Variants in COL3A1 observed in about 807,000 individuals in gnomAD.
COL3A1 encodes collagen alpha-1(III) chain.
COL3A1 carries 46 observed loss-of-function variants against 200.9 expected under a neutral mutation model. The ratio of observed to expected loss-of-function variants is 0.23; its 90% CI spans 0.18 to 0.29. The LOEUF (loss-of-function observed/expected upper bound fraction) is 0.29. COL3A1 is among the 10% of genes least tolerant of loss of function. The pLI, the probability that COL3A1 is intolerant of heterozygous loss-of-function variation, is 1.00. For missense variants in COL3A1, 1,367 were observed against 1,917.6 expected (o/e 0.71, Z 5.36); for synonymous variants, 650 against 628.0 (o/e 1.03, Z -0.52).
Position 189,004,268 on chromosome 2 carries a change from C to A in COL3A1, c.2835C>A (p.Gly945=), listed in dbSNP as rs1293408059. 1.2e-6 allele frequency: 2 copies of A among 1,604,302 alleles called. No individual in the cohort carries two copies. The highest frequency in any genetic ancestry group is 1.1e-5 in the South Asian group (1 of 88,616). The change falls in exon 40 of 51, where the codon GGC becomes GGA. Residue 945 remains glycine, a synonymous_variant. Transcript: ENST00000304636. ...ATTATCTGTATTAGGGAGCTCCAGG[C>A]CCACTTGGGATTGCTGGGATCACTG... The part of the protein sequence containing the change: ...PGAQGPPGAP[G]PLGIAGITGA...
Position 188,994,508 on chromosome 2 carries a change from C to T in COL3A1, c.1294-33C>T, listed in dbSNP as rs761160201. ...TGATGATTTGTTAGTCGAATCCTCC[C>T]TGTGTTTCAACCAAGACTTTGTTAT... On this transcript the variant is annotated intron_variant, in intron 18 of 50. Transcript: ENST00000304636. The surrounding 1 kb of genome is among the most constrained non-coding windows in gnomAD (Gnocchi z 4.5). The T allele has an allele frequency of 1.9e-6, 3 of 1,611,838 alleles. No individual in the cohort carries two copies. The highest frequency in any genetic ancestry group is 2.2e-5 in the East Asian group (1 of 44,866).
chr2:189,004,329 G>T lies in COL3A1; in HGVS notation c.2896G>T (p.Gly966Cys). The change falls in exon 40 of 51, where the codon GGT becomes TGT. Residue 966 changes from glycine (G) to cysteine (C), a missense_variant. Physicochemically the swap from Gly to Cys is radical, Grantham distance 159 (BLOSUM62 -3). Around this residue, in one of 5 missense-constraint regions of COL3A1, gnomAD observed 846 missense variants for 1,147.9 expected, o/e 0.74. Coordinates refer to ENST00000304636, the MANE Select transcript of COL3A1 (RefSeq NM_000090.4). ...TCTTGCAGGACCACCAGGCATGCCA[G>T]GTCCTAGGGGAAGCCCTGGCCCTCA... ...RGLAGPPGMP[G>C]PRGSPGPQGV... The T allele has an allele frequency of 6.2e-7, 1 of 1,606,248 alleles. No individual in the cohort carries two copies. The highest frequency in any genetic ancestry group is 1.1e-5 in the South Asian group (1 of 88,770).
Position 188,994,434 on chromosome 2 carries a change from T to A in COL3A1, c.1293+102T>A. ...TTGCTCCTGTTCAGTTGAATTTATA[T>A]TGACTTCACTCTTGTCTTATAACTT... is the stretch of plus-strand genomic sequence containing the variant. On this transcript the variant is annotated intron_variant, in intron 18 of 50. Coordinates refer to ENST00000304636, the MANE Select transcript of COL3A1 (RefSeq NM_000090.4). This position sits in a 1 kb window ranked among gnomAD's most constrained non-coding sequence, Gnocchi z 4.5. 1 of 1,565,972 alleles carries A rather than the reference T, an allele frequency of 6.4e-7. No homozygotes were observed. The highest frequency in any genetic ancestry group is 1.1e-5 in the South Asian group (1 of 89,636).
rs1045459966 is a variant in COL3A1, at chr2:189,010,637, C to A, written c.4012-11C>A. On this transcript the variant is annotated splice_polypyrimidine_tract_variant and intron_variant, in intron 49 of 50. Coordinates refer to ENST00000304636, the MANE Select transcript of COL3A1 (RefSeq NM_000090.4). ...AAATGTTTGATCTGTTTTATTTGTTCCCTATTACAGTTTAGCTACGGCAAT... is the reference window on the plus strand; with the variant it reads ...AAATGTTTGATCTGTTTTATTTGTTACCTATTACAGTTTAGCTACGGCAAT... 5.6e-6 allele frequency: 9 copies of A among 1,613,928 alleles called. No individual in the cohort carries two copies. Among genetic ancestry groups the A allele is most frequent in the Non-Finnish European group, 5.1e-6 (6 of 1,179,976 alleles).
intron 1 of COL3A1, among the ~76,000 whole-genome samples, chr2:188,983,818 G>A (rs1230423470): frequency 1.3e-5 from 2 of 151,814 alleles, no homozygotes; most frequent in Admixed American, 1.3e-4. Context: ...CTCAATTACT[G>A]GCAAACTATC....
At chr2:189,011,606 T>C (rs1559064132) in intron 50 of COL3A1, 22 bp from the exon 51 acceptor site, 2 of 1,613,570 alleles carry the variant, frequency 1.2e-6, no homozygotes, top group Non-Finnish European at 1.7e-6. Context: ...CATGATCATG[T>C]ACATTTTGTC....
intron 1 of COL3A1, among the ~76,000 whole-genome samples, chr2:188,982,821 CA>C (rs1401126739): frequency 1.3e-5 from 2 of 151,798 alleles, no homozygotes; most frequent in Non-Finnish European, 1.5e-5. Flanking sequence ...AATGTAATTA[CA>C]GTGTTCCATG....
Position 189,010,259 on chromosome 2 carries a change from G to T in COL3A1, c.3905G>T (p.Cys1302Phe), listed in dbSNP as rs1688691680. 6.2e-7 allele frequency: 1 copy of T among 1,614,172 alleles called. No homozygotes were observed. Among genetic ancestry groups the T allele is most frequent in the Non-Finnish European group, 8.5e-7 (1 of 1,179,996 alleles). Residue 1302 changes from cysteine (C) to phenylalanine (F), a missense_variant, in exon 49 of 51, where the codon TGC becomes TTC. By Grantham distance (205) the Cys-to-Phe change is radical. Coordinates refer to ENST00000304636, the MANE Select transcript of COL3A1 (RefSeq NM_000090.4). Reference protein sequence around the residue: ...VFCNMETGETCISANPLNVPR... With the variant: ...VFCNMETGETFISANPLNVPR... ...TGTAATATGGAAACTGGGGAAACAT[G>T]CATAAGTGCCAATCCTTTGAATGTT...
chr2:189,004,863 C>T (rs367591666), intron 40 of COL3A1, among the ~76,000 whole-genome samples: 2 of 151,990 alleles, frequency 1.3e-5, no homozygotes, highest in African/African-American at 4.8e-5. Flanking sequence ...TATTAGGGCT[C>T]GTATTATGGC....
At chr2:188,990,486 T>A in intron 10 of COL3A1, 126 bp downstream of exon 10, 1 of 851,956 alleles carries the variant, frequency 1.2e-6, no homozygotes, top group South Asian at 1.6e-5. Flanking sequence ...TTGATATTTT[T>A]AAGTCTACTA....
chr2:189,006,227 C>A lies in COL3A1; in HGVS notation c.3061C>A (p.Leu1021Ile), dbSNP rs139619440. 213 of 1,614,200 alleles carry A rather than the reference C, an allele frequency of 1.3e-4. No homozygotes were observed. In the East Asian group the frequency reaches 3.7e-3, roughly 28 times the overall value. ...GRDGNPGSDG[L>I]PGRDGSPGGK... ...TCAGGGAAACCCTGGATCAGATGGT[C>A]TTCCAGGCCGAGATGGATCTCCTGG... The change falls in exon 42 of 51, where the codon CTT (leucine) becomes ATT (isoleucine). Residue 1021 changes from leucine (L) to isoleucine (I), a missense_variant. Transcript: ENST00000304636.
intron 1 of COL3A1, among the ~76,000 whole-genome samples, chr2:188,978,612 T>C (rs1687878259): frequency 6.6e-6 from 1 of 152,010 alleles, no homozygotes. Context: ...GCTTTAAAGA[T>C]GAAAGATGTT....
chr2:189,004,893 A>G (rs1203567069), intron 40 of COL3A1, among the ~76,000 whole-genome samples: 1 of 152,212 alleles, frequency 6.6e-6, no homozygotes, highest in East Asian at 1.9e-4. Context: ...ACTTCTTTCA[A>G]CAAAATGTTA....
At chr2:189,009,603 T>C (rs1688675147) in intron 48 of COL3A1, among the ~76,000 whole-genome samples, 1 of 152,176 alleles carries the variant, frequency 6.6e-6, no homozygotes, top group African/African-American at 2.4e-5. Flanking sequence ...ATTTTCAAAT[T>C]AAACAAGTGA....
rs1447271334 is a variant in COL3A1, at chr2:189,008,015, A to G, written c.3418-20A>G. On this transcript the variant is annotated intron_variant, in intron 46 of 50. Transcript: ENST00000304636. ...TTCAGAAAGATATTCTGGCATTGTG[A>G]TGTCATGATACTTTCTTAGGGACCT... The G allele has an allele frequency of 1.9e-6, 3 of 1,613,896 alleles. No homozygotes were observed. The South Asian group carries it at 3.3e-5, about 18-fold the overall frequency.
intron 4 of COL3A1, 26 bp from the exon 5 acceptor site, chr2:188,987,033 C>G (rs760225352): frequency 2.7e-5 from 43 of 1,574,346 alleles, no homozygotes; most frequent in Middle Eastern, 1.7e-4. Context: ...TTAAAATGAT[C>G]ATATCTATTT....
Position 188,994,087 on chromosome 2 carries a change from G to A in COL3A1, c.1194+5G>A, listed in dbSNP as rs1688245023. ...CCTGGTGGTAAAGGCGAAATGGTAAGCTGTCCCCACTCCTCAGCCTTATCT... is the reference window on the plus strand; with the variant it reads ...CCTGGTGGTAAAGGCGAAATGGTAAACTGTCCCCACTCCTCAGCCTTATCT... On this transcript the variant is annotated splice_donor_5th_base_variant and intron_variant, in intron 17 of 50. Transcript: ENST00000304636. The surrounding 1 kb of genome is among the most constrained non-coding windows in gnomAD (Gnocchi z 4.5). The A allele has an allele frequency of 6.2e-7, 1 of 1,614,180 alleles. No individual in the cohort carries two copies. The highest frequency in any genetic ancestry group is 8.5e-7 in the Non-Finnish European group (1 of 1,180,012).
chr2:189,003,916 G>A, intron 38 of COL3A1, 66 bp from the exon 39 acceptor site: 1 of 1,567,756 alleles, frequency 6.4e-7, no homozygotes, highest in South Asian at 1.2e-5. Flanking sequence ...TTTGAAGTAA[G>A]TAAAAAAAGA....
Position 189,006,567 on chromosome 2 carries a change from T to C in COL3A1, c.3201+115T>C, listed in dbSNP as rs1260425600. ...ACCAAAATATCCACTGTCATTTGTT[T>C]TACAGTTTTAATGCTAGTTGTTCCT... is the stretch of plus-strand genomic sequence containing the variant. On this transcript the variant is annotated intron_variant, in intron 43 of 50. Coordinates refer to ENST00000304636, the MANE Select transcript of COL3A1 (RefSeq NM_000090.4). 5.8e-6 allele frequency: 6 copies of C among 1,030,020 alleles called. No individual in the cohort carries two copies. In the South Asian group the frequency reaches 8.2e-5, roughly 14 times the overall value. 63.8% of individuals were successfully genotyped at this position (1,030,020 alleles called of 1,614,324 possible).
Sources: allele counts gnomAD v4.1 joint callset (sites outside exome capture counted in the v4.1 genomes callset), GRCh38; gene constraint gnomAD v4.1.1; regional missense constraint gnomAD v4.1.1; non-coding constraint Gnocchi (gnomAD v3.1); transcripts MANE v1.5; gene names NCBI Gene and HGNC (gene_info 2026-07-23, HGNC 2026-07-21).